The following TMPRSS6 variants were observed in gnomAD, a reference collection of about 807,000 sequenced individuals.
The protein encoded by TMPRSS6 is transmembrane serine protease 6.
Under a neutral mutation model 101.5 loss-of-function variants are expected in TMPRSS6, and 67 were observed. That is an observed-to-expected ratio of 0.66 (90% CI 0.54 to 0.81). The LOEUF is 0.81. Ranked by LOEUF, TMPRSS6 falls within the 30% of genes least tolerant of loss-of-function variation. TMPRSS6 has a pLI of 0.00. For synonymous variants in TMPRSS6, 453 were observed against 464.9 expected, an observed-to-expected ratio of 0.97 and a Z score of 0.33; for missense variants, 1,034 against 1,088.7, an observed-to-expected ratio of 0.95 and a Z score of 0.71.
chr22:37,071,345 A>C (rs1926885200), intron 13 of TMPRSS6, among the ~76,000 whole-genome samples: 1 of 152,132 alleles, frequency 6.6e-6, no homozygotes, highest in Non-Finnish European at 1.5e-5. Flanking sequence ...CTTTTAGACC[A>C]GGGTCCGCAC....
At chr22:37,068,027 C>T (rs1926498959) in intron 16 of TMPRSS6, among the ~76,000 whole-genome samples, 2 of 152,204 alleles carry the variant, frequency 1.3e-5, no homozygotes, top group South Asian at 4.1e-4. Flanking sequence ...CAGGCCTCAG[C>T]TTAAACAACC....
intron 17 of TMPRSS6, among the ~76,000 whole-genome samples, 180 bp from the exon 18 acceptor site, chr22:37,066,418 C>T (rs1477600605): frequency 6.6e-6 from 1 of 152,212 alleles, no homozygotes; most frequent in Non-Finnish European, 1.5e-5. Flanking sequence ...CCAGCCCTCC[C>T]CGGCCTCCAG....
In TMPRSS6 at chr22:37,066,231, G is replaced by A; in HGVS notation, c.2258C>T (p.Ser753Leu). 6.2e-7 allele frequency: 1 copy of A among 1,611,006 alleles called. No individual in the cohort carries two copies. The highest frequency in any genetic ancestry group is 8.5e-7 in the Non-Finnish European group (1 of 1,178,702). ...KGKKDACQGD[S>L]GGPLVCKALS... The stretch of plus-strand genomic sequence containing the variant: ...TGCCTTGCACACCAGCGGACCACCT[G>A]AGTCACCCTGAAAGGGGGAAAGGAG... Residue 753 changes from serine to leucine, a missense_variant, in exon 18 of 18, where the codon TCA (serine) becomes TTA (leucine). Coordinates refer to ENST00000676104, the MANE Select transcript of TMPRSS6 (RefSeq NM_001374504.1).
At chr22:37,072,593 TG>T in intron 13 of TMPRSS6, among the ~76,000 whole-genome samples, 1 of 104,710 alleles carries the variant, frequency 9.6e-6, no homozygotes, top group Admixed American at 1.1e-4. Context: ...GATGGATGGA[TG>T]ATGGATGGAT....
Position 37,071,012 on chromosome 22 carries a change from T to C in TMPRSS6, c.1576A>G (p.Thr526Ala). The change falls in exon 14 of 18, where the codon ACC becomes GCC. Residue 526 changes from threonine to alanine, a missense_variant. Transcript: ENST00000676104. ...CAGCTCCGGTCCTCACACTGGAAGG[T>C]GAATGTCCCACATGGCACCCCTGGG... ...CQEGVPCGTF[T>A]FQCEDRSCVK... 1 of 1,612,072 alleles carries C rather than the reference T, an allele frequency of 6.2e-7. No individual in the cohort carries two copies. The highest frequency in any genetic ancestry group is 8.5e-7 in the Non-Finnish European group (1 of 1,179,658).
At chr22:37,095,457 A>G in intron 6 of TMPRSS6, 94 bp downstream of exon 6, 1 of 1,515,590 alleles carries the variant, frequency 6.6e-7, no homozygotes, top group Non-Finnish European at 9.1e-7. Flanking sequence ...CCCTGCACAC[A>G]CAACAGAAGC....
At chr22:37,102,788 A>T (rs112437858) in intron 2 of TMPRSS6, among the ~76,000 whole-genome samples, 2,499 of 152,234 alleles carry the variant, frequency 0.016, 75 homozygotes, top group African/African-American at 0.057. Flanking sequence ...GAGCAGAGGC[A>T]CTAATTGGTA....
Position 37,082,172 on chromosome 22 carries a change from C to G in TMPRSS6, c.1196+2123G>C, listed in dbSNP as rs576249250. Among the ~76,000 whole-genome samples the G allele has an allele frequency of 2.0e-5, 3 of 152,262 alleles. No homozygotes were observed. The South Asian group carries it at 6.2e-4, about 32-fold the overall frequency. On this transcript the variant is annotated intron_variant, in intron 10 of 17. Coordinates refer to ENST00000676104, the MANE Select transcript of TMPRSS6 (RefSeq NM_001374504.1). ...CCCCATCTGTGGACCCATCTGCGTG[C>G]CACCTAATCCTGCTGAGCCTTGATT...
intron 2 of TMPRSS6, among the ~76,000 whole-genome samples, chr22:37,102,819 T>C (rs1930439545): frequency 6.6e-6 from 1 of 152,156 alleles, no homozygotes. Flanking sequence ...TTGGTGCCTC[T>C]GGGCCTCCTT....
chr22:37,073,604 T>C lies in TMPRSS6; in HGVS notation c.1483A>G (p.Ile495Val), dbSNP rs768321064. The C allele has an allele frequency of 6.2e-7, 1 of 1,614,150 alleles. No individual in the cohort carries two copies. The highest frequency in any genetic ancestry group is 8.5e-7 in the Non-Finnish European group (1 of 1,179,990). ...CCATCACAGACCTTGGGCAGTGAGA[T>C]GCATGTGCTGTCCTCTTTGCACTGG... Reference protein sequence around the residue: ...TFQCKEDSTCISLPKVCDGQP... With the variant: ...TFQCKEDSTCVSLPKVCDGQP... Residue 495 changes from isoleucine to valine, a missense_variant, in exon 13 of 18, where the codon ATC becomes GTC. Physicochemically the swap from Ile to Val is conservative, Grantham distance 29. Transcript: ENST00000676104.
intron 1 of TMPRSS6, among the ~76,000 whole-genome samples, chr22:37,106,652 C>G (rs1930731532): frequency 6.6e-6 from 1 of 152,336 alleles, no homozygotes; most frequent in Non-Finnish European, 1.5e-5. Flanking sequence ...CGCATCCTCC[C>G]TCCCCAGCTC....
chr22:37,067,039 C>G, intron 16 of TMPRSS6, 77 bp from the exon 17 acceptor site: 4 of 1,598,364 alleles, frequency 2.5e-6, no homozygotes, highest in Non-Finnish European at 3.4e-6. Flanking sequence ...ACATTATTCC[C>G]TTTGCATCTC....
chr22:37,083,410 C>T (rs912186058), intron 10 of TMPRSS6, among the ~76,000 whole-genome samples: 1 of 152,048 alleles, frequency 6.6e-6, no homozygotes, highest in African/African-American at 2.4e-5. Flanking sequence ...GCCTCCTTCT[C>T]TCCCTCTGGG....
rs1479202999 is a variant in TMPRSS6 at position 37,084,291 on chromosome 22, G to T, written c.1196+4C>A. 6.2e-7 allele frequency: 1 copy of T among 1,607,440 alleles called. No homozygotes were observed. Among genetic ancestry groups the T allele is most frequent in the East Asian group, 2.2e-5 (1 of 44,780 alleles). ...GAAGCCAGAGGGAGGAGAGGAAGTGGTACCTCCTGTTCTGGATCGTCCACT... is the reference window on the plus strand; with the variant it reads ...GAAGCCAGAGGGAGGAGAGGAAGTGTTACCTCCTGTTCTGGATCGTCCACT... On this transcript the variant is annotated splice_donor_region_variant and intron_variant, in intron 10 of 17. Coordinates refer to ENST00000676104, the MANE Select transcript of TMPRSS6 (RefSeq NM_001374504.1).
chr22:37,078,535 G>A (rs1306487011), intron 10 of TMPRSS6, among the ~76,000 whole-genome samples: 1 of 152,270 alleles, frequency 6.6e-6, no homozygotes, highest in South Asian at 2.1e-4. Context: ...GCGCCAGAGA[G>A]GAATTCAAGG....
At chr22:37,067,483 AG>A (rs1926414857) in intron 16 of TMPRSS6, among the ~76,000 whole-genome samples, 1 of 151,952 alleles carries the variant, frequency 6.6e-6, no homozygotes, top group Non-Finnish European at 1.5e-5. Flanking sequence ...AACAAAAAAA[AG>A]AAAAAAGAAA....
intron 13 of TMPRSS6, among the ~76,000 whole-genome samples, chr22:37,072,636 A>G (rs1469925980): frequency 7.2e-5 from 9 of 125,566 alleles, no homozygotes; most frequent in Non-Finnish European, 1.2e-4. Context: ...TGGATGGATG[A>G]TGGACGGATG....
chr22:37,087,869 G>T (rs944258105), intron 7 of TMPRSS6, among the ~76,000 whole-genome samples: 1 of 152,012 alleles, frequency 6.6e-6, no homozygotes, highest in African/African-American at 2.4e-5. Flanking sequence ...AATATGGAAC[G>T]CAGAATCAAA....
intron 10 of TMPRSS6, chr22:37,084,055 G>T: frequency 1.7e-6 from 1 of 599,390 alleles, no homozygotes; most frequent in South Asian, 2.2e-5. Flanking sequence ...GGTGTCTGAT[G>T]ACCAAACGTG....
Sources: gnomAD v4.1 joint callset for allele counts (sites outside exome capture counted in the v4.1 genomes callset) on GRCh38, gnomAD v4.1.1 for gene constraint, MANE v1.5 for transcripts, NCBI Gene and HGNC (gene_info 2026-07-23, HGNC 2026-07-21) for gene names.